The following RBBP8 variants were observed in gnomAD, a reference collection of about 807,000 sequenced individuals.
The protein encoded by RBBP8 is RB binding protein 8, endonuclease.
A neutral mutation model predicts 108.3 loss-of-function variants in RBBP8; 88 were observed. That is an observed-to-expected ratio of 0.81 (90% CI 0.68 to 0.97). The LOEUF is 0.97. Ranked by LOEUF, RBBP8 falls within the 50% of genes least tolerant of loss-of-function variation. The pLI is 0.00. For missense variants in RBBP8, 1,023 were observed against 1,049.0 expected, an observed-to-expected ratio of 0.98 and a Z score of 0.34; for synonymous variants, 332 against 348.2, an observed-to-expected ratio of 0.95 and a Z score of 0.52.
At chr18:22,919,920 T>C (rs1056130883) in intron 3 of RBBP8, among the ~76,000 whole-genome samples, 3 of 152,184 alleles carry the variant, frequency 2.0e-5, no homozygotes, top group Non-Finnish European at 4.4e-5. Context: ...ATGTGACTAG[T>C]CATTAAAATT....
chr18:23,010,016 T>G (rs1222161688), intron 16 of RBBP8, among the ~76,000 whole-genome samples: 1 of 152,244 alleles, frequency 6.6e-6, no homozygotes, highest in African/African-American at 2.4e-5. Context: ...TGCCTTGGCC[T>G]CCCAAAGTGC....
At chr18:22,966,520 C>T (rs1913597058) in intron 4 of RBBP8, among the ~76,000 whole-genome samples, 1 of 148,880 alleles carries the variant, frequency 6.7e-6, no homozygotes, top group African/African-American at 2.5e-5. Flanking sequence ...GGGAGGATCA[C>T]TTGAGCTCAG....
At chr18:22,997,350 T>G (rs2144726572) in intron 13 of RBBP8, among the ~76,000 whole-genome samples, 1 of 152,310 alleles carries the variant, frequency 6.6e-6, no homozygotes, top group South Asian at 2.1e-4. Context: ...GCAGGAAAAG[T>G]TCAGGGGTGT....
At chr18:22,958,709 T>A (rs1912809264) in intron 4 of RBBP8, among the ~76,000 whole-genome samples, 1 of 152,014 alleles carries the variant, frequency 6.6e-6, no homozygotes, top group Admixed American at 6.6e-5. Context: ...CCTGACTAAT[T>A]TTCTGATTTT....
intron 2 of RBBP8, among the ~76,000 whole-genome samples, chr18:22,942,500 C>G (rs1911184948): frequency 6.6e-6 from 1 of 151,992 alleles, no homozygotes; most frequent in Non-Finnish European, 1.5e-5. Context: ...GCAAACCAGA[C>G]CATTTTTGTT....
intron 4 of RBBP8, among the ~76,000 whole-genome samples, chr18:22,965,454 G>A (rs973835893): frequency 1.3e-5 from 2 of 152,022 alleles, no homozygotes; most frequent in African/African-American, 4.8e-5. Context: ...TCCTAAAGAA[G>A]ACTCCTTAAT....
chr18:22,947,496 A>G (rs1335408734), intron 3 of RBBP8, among the ~76,000 whole-genome samples: 2 of 152,070 alleles, frequency 1.3e-5, no homozygotes, highest in Admixed American at 1.3e-4. Context: ...TTCAAATACA[A>G]GATTTACCCA....
intron 15 of RBBP8, among the ~76,000 whole-genome samples, chr18:23,004,084 C>T (rs1184296478): frequency 9.8e-6 from 1 of 102,536 alleles, no homozygotes; most frequent in Non-Finnish European, 2.1e-5. Flanking sequence ...AAAAAAAAAA[C>T]TAAAAATGGA....
intron 10 of RBBP8, among the ~76,000 whole-genome samples, chr18:22,991,640 A>C (rs1010358021): frequency 6.6e-6 from 1 of 152,210 alleles, no homozygotes; most frequent in Non-Finnish European, 1.5e-5. Context: ...CAATGCCTAC[A>C]TATCAATCCA....
intron 16 of RBBP8, 178 bp from the exon 17 acceptor site, chr18:23,016,649 GA>G (rs1846582830): frequency 6.6e-6 from 4 of 607,998 alleles, no homozygotes; most frequent in Admixed American, 2.9e-5. Context: ...TTTTTAGTTA[GA>G]AAAAAATACC....
upstream of RBBP8, among the ~76,000 whole-genome samples, chr18:22,930,393 C>A (rs1227850030): frequency 1.3e-5 from 2 of 152,128 alleles, no homozygotes; most frequent in Admixed American, 6.5e-5. Context: ...TCTAAGCATG[C>A]TGAAATTGAA....
rs928545363 is a variant in RBBP8, at chr18:23,017,741, C to CTTTTT, written c.2454+836_2454+840dup. Among the ~76,000 whole-genome samples, 307 of 89,190 alleles carry CTTTTT rather than the reference C, an allele frequency of 3.4e-3. 22 individuals carry two copies. Among genetic ancestry groups the CTTTTT allele is most frequent in the African/African-American group, 0.013 (266 of 20,038 alleles). 58.5% of individuals were successfully genotyped at this position (89,190 alleles called of 152,430 possible). On this transcript the variant is annotated intron_variant, in intron 17 of 18. Coordinates refer to ENST00000327155, the MANE Select transcript of RBBP8 (RefSeq NM_002894.3). ...AAAATAATTGGTACCAATATAAGTT[C>CTTTTT]TTTTTTTTTTTTTTTTTTTTTTTGA...
At chr18:22,977,776 T>C (rs1192389815) in intron 6 of RBBP8, 9 of 152,198 alleles carry the variant, frequency 5.9e-5, no homozygotes, top group Admixed American at 5.9e-4. Flanking sequence ...TTCTTGATTA[T>C]GACTGCCTTC....
Position 22,968,753 on chromosome 18 carries a change from C to G in RBBP8, c.249-53C>G. On this transcript the variant is annotated intron_variant, in intron 4 of 18. Transcript: ENST00000327155. ...AATCTTTATAAAAGTCTTGGAATTC[C>G]AAAGAAGGAAATCTCTTTTAGTGGA... The G allele has an allele frequency of 4.1e-6, 6 of 1,464,618 alleles. 1 individual carries two copies. The South Asian group carries it at 7.0e-5, about 17-fold the overall frequency. The allele number at this position is 1,464,618 out of a possible 1,614,324, so 90.7% of individuals were successfully genotyped here.
rs762322789 is a variant in RBBP8 at position 22,992,942 on chromosome 18, T to G, written c.1115T>G (p.Leu372Ter). 2.5e-6 allele frequency: 4 copies of G among 1,613,374 alleles called. No homozygotes were observed. Among genetic ancestry groups the G allele is most frequent in the Non-Finnish European group, 3.4e-6 (4 of 1,179,496 alleles). The part of the protein sequence containing the change: ...LPFSNTCISR[L>*]EKTRSKSEDS... ...TTTAGCAACACTTGTATATCTAGAT[T>G]AGAAAAAACTAGATCAAAATCTGAA... The change falls in exon 11 of 19, where the codon TTA becomes TGA. Residue 372 changes from leucine to a stop codon, truncating the protein, a stop_gained. Coordinates refer to ENST00000327155, the MANE Select transcript of RBBP8 (RefSeq NM_002894.3). LOFTEE classifies it high-confidence loss of function.
intron 16 of RBBP8, 86 bp downstream of exon 16, chr18:23,006,518 T>C: frequency 8.4e-7 from 1 of 1,191,154 alleles, no homozygotes; most frequent in African/African-American, 1.5e-5. Flanking sequence ...TCTTTTTTTT[T>C]AAAGACAGAG....
chr18:22,961,265 G>A (rs1196705299), intron 4 of RBBP8, among the ~76,000 whole-genome samples: 1 of 152,236 alleles, frequency 6.6e-6, no homozygotes, highest in Non-Finnish European at 1.5e-5. Flanking sequence ...TTAGCTGTGA[G>A]TTTAAGCCAG....
At chr18:22,969,175 GTT>G (rs112376497) in intron 5 of RBBP8, among the ~76,000 whole-genome samples, 3 of 140,166 alleles carry the variant, frequency 2.1e-5, no homozygotes, top group Non-Finnish European at 1.6e-5. Context: ...AGCAGGTGGT[GTT>G]TTTTTTTTTT....
Position 22,986,123 on chromosome 18 carries a change from G to A in RBBP8, c.709+1133G>A, listed in dbSNP as rs1057217558. On this transcript the variant is annotated intron_variant, in intron 8 of 18. Transcript: ENST00000327155. Reference sequence around the variant, plus strand: ...GGTTTTTTTTGCTCCCCCCTGCCCCGAACCATTTTTCACCCCCTTAGAGAA... The same window carrying A: ...GGTTTTTTTTGCTCCCCCCTGCCCCAAACCATTTTTCACCCCCTTAGAGAA... Among the ~76,000 whole-genome samples the A allele has an allele frequency of 5.3e-5, 8 of 150,878 alleles. No homozygotes were observed. In the East Asian group the frequency reaches 5.8e-4, roughly 11 times the overall value.
Sources: allele counts gnomAD v4.1 joint callset (sites outside exome capture counted in the v4.1 genomes callset), GRCh38; gene constraint gnomAD v4.1.1; transcripts MANE v1.5; gene names NCBI Gene and HGNC (gene_info 2026-07-23, HGNC 2026-07-21).